CEP128: variants seen among roughly 807,000 people sequenced by gnomAD.
The protein encoded by CEP128 is centrosomal protein 128kDa.
CEP128 carries 132 observed loss-of-function variants against 156.7 expected under a neutral mutation model. That is an observed-to-expected ratio of 0.84 (90% CI 0.73 to 0.97). The LOEUF (loss-of-function observed/expected upper bound fraction) is 0.97, where lower values mean the gene tolerates loss of function less well. CEP128 is among the 50% of genes least tolerant of loss of function. The pLI is 0.00. For missense variants in CEP128, 1,252 were observed against 1,281.9 expected, an observed-to-expected ratio of 0.98 and a Z score of 0.36; for synonymous variants, 469 against 448.9, an observed-to-expected ratio of 1.04 and a Z score of -0.57.
intron 19 of CEP128, among the ~76,000 whole-genome samples, chr14:80,598,274 T>C (rs1892428772): frequency 6.6e-6 from 1 of 151,972 alleles, no homozygotes; most frequent in Non-Finnish European, 1.5e-5. Flanking sequence ...GGTCACAAAA[T>C]ACAAGATAAA....
chr14:80,805,891 T>C (rs1168171586), intron 13 of CEP128, among the ~76,000 whole-genome samples: 1 of 152,210 alleles, frequency 6.6e-6, no homozygotes, highest in Non-Finnish European at 1.5e-5. Context: ...AAAGTAGTGA[T>C]TGGTTGAAAG....
At chr14:80,656,808 T>C (rs1248546820) in intron 19 of CEP128, among the ~76,000 whole-genome samples, 1 of 152,208 alleles carries the variant, frequency 6.6e-6, no homozygotes, top group African/African-American at 2.4e-5. Context: ...CAGTTTTTGC[T>C]GGTTGTGGGT....
chr14:80,909,403 A>ACACACGCG (rs34728272), intron 4 of CEP128, among the ~76,000 whole-genome samples: 9 of 150,704 alleles, frequency 6.0e-5, no homozygotes, highest in East Asian at 4.0e-4. Flanking sequence ...ACACACACAC[A>ACACACGCG]CGCAAACTCC....
chr14:80,892,166 A>G (rs2139377683), intron 8 of CEP128, among the ~76,000 whole-genome samples: 1 of 152,166 alleles, frequency 6.6e-6, no homozygotes, highest in East Asian at 1.9e-4. Flanking sequence ...ATTATATAAC[A>G]AAGCTATAGT....
At chr14:80,769,357 C>T (rs1900398839) in intron 16 of CEP128, among the ~76,000 whole-genome samples, 1 of 151,420 alleles carries the variant, frequency 6.6e-6, no homozygotes, top group Non-Finnish European at 1.5e-5. Context: ...TATACATGTG[C>T]CATGTTGGTG....
intron 19 of CEP128, among the ~76,000 whole-genome samples, chr14:80,678,064 G>GTATATATATATA (rs1274703937): frequency 1.6e-3 from 43 of 27,172 alleles, no homozygotes; most frequent in Non-Finnish European, 2.7e-3. Context: ...ATATATATAT[G>GTATATATATATA]TATATATATA....
chr14:80,837,260 G>A (rs1265667831), intron 11 of CEP128, among the ~76,000 whole-genome samples: 1 of 152,142 alleles, frequency 6.6e-6, no homozygotes, highest in Non-Finnish European at 1.5e-5. Flanking sequence ...CAAAACAGAA[G>A]AAAGTATAAT....
intron 21 of CEP128, among the ~76,000 whole-genome samples, chr14:80,534,476 T>C (rs908414980): frequency 2.0e-5 from 3 of 152,172 alleles, no homozygotes; most frequent in Non-Finnish European, 4.4e-5. Context: ...AGTTGGTTAA[T>C]TTTTTTCTGC....
At chr14:80,746,678 T>A (rs568406197) in intron 18 of CEP128, among the ~76,000 whole-genome samples, 2 of 152,318 alleles carry the variant, frequency 1.3e-5, no homozygotes, top group African/African-American at 4.8e-5. Flanking sequence ...GACCTTGGCT[T>A]GGCAATAGCT....
At chr14:80,605,743 C>G (rs1233805698) in intron 19 of CEP128, among the ~76,000 whole-genome samples, 1 of 151,886 alleles carries the variant, frequency 6.6e-6, no homozygotes, top group Admixed American at 6.6e-5. Context: ...TTTCCTCAAA[C>G]CAGACATCAG....
intron 19 of CEP128, among the ~76,000 whole-genome samples, chr14:80,731,403 T>C (rs72690969): frequency 0.1 from 15,687 of 152,200 alleles, 1,039 homozygotes; most frequent in Non-Finnish European, 0.16. Flanking sequence ...TTACATAAGA[T>C]AATACATTTA....
intron 9 of CEP128, among the ~76,000 whole-genome samples, chr14:80,853,150 T>C (rs575658429): frequency 2.0e-5 from 3 of 151,992 alleles, no homozygotes; most frequent in Non-Finnish European, 4.4e-5. Flanking sequence ...GAAGGCAATG[T>C]TCTTAATGCG....
intron 22 of CEP128, among the ~76,000 whole-genome samples, chr14:80,529,190 A>C (rs555196264): frequency 6.6e-6 from 1 of 152,356 alleles, no homozygotes; most frequent in South Asian, 2.1e-4. Context: ...TGTACCATAA[A>C]GTACTTAGCA....
chr14:80,899,257 T>C (rs1022984442), intron 7 of CEP128, among the ~76,000 whole-genome samples: 1 of 152,184 alleles, frequency 6.6e-6, no homozygotes, highest in Admixed American at 6.5e-5. Context: ...CAAGCAAATA[T>C]GGTAAACAAA....
At chr14:80,678,041 A>T (rs866067272) in intron 19 of CEP128, among the ~76,000 whole-genome samples, 2 of 32,298 alleles carry the variant, frequency 6.2e-5, no homozygotes, top group Admixed American at 4.2e-4. Flanking sequence ...GTTGCTCTAT[A>T]AAAAAAAAAT....
At chr14:80,895,388 G>C (rs1006695536) in intron 8 of CEP128, among the ~76,000 whole-genome samples, 3 of 151,990 alleles carry the variant, frequency 2.0e-5, no homozygotes, top group Admixed American at 1.3e-4. Context: ...AAAAACTACA[G>C]AAAAATCAGA....
chr14:80,559,571 C>A (rs75064000), intron 20 of CEP128, among the ~76,000 whole-genome samples: 2,703 of 152,124 alleles, frequency 0.018, 29 homozygotes, highest in Non-Finnish European at 0.025. Context: ...AGGAATAGAA[C>A]CTACCATTTT....
At chr14:80,651,916 G>A (rs1197353120) in intron 19 of CEP128, among the ~76,000 whole-genome samples, 1 of 152,106 alleles carries the variant, frequency 6.6e-6, no homozygotes. Context: ...GGAGAGTTCT[G>A]TAGATATCTA....
intron 7 of CEP128, among the ~76,000 whole-genome samples, chr14:80,899,729 G>A (rs868197587): frequency 2.6e-5 from 4 of 152,028 alleles, no homozygotes; most frequent in East Asian, 1.9e-4. Context: ...AAGTTAAAGC[G>A]TTTTTAGAAA....
Sources: gnomAD v4.1 joint callset for allele counts (sites outside exome capture counted in the v4.1 genomes callset) on GRCh38, gnomAD v4.1.1 for gene constraint, MANE v1.5 for transcripts, NCBI Gene and HGNC (gene_info 2026-07-23, HGNC 2026-07-21) for gene names.